Variants in SULT2B1 observed in about 807,000 individuals in gnomAD.
SULT2B1 encodes sulfotransferase 2B1.
Under a neutral mutation model 33.2 loss-of-function variants are expected in SULT2B1, and 16 were observed. The ratio of observed to expected loss-of-function variants is 0.48; its 90% CI spans 0.33 to 0.73. SULT2B1 has a LOEUF of 0.73. SULT2B1 is among the 30% of genes least tolerant of loss of function. SULT2B1 has a pLI of 0.02. For synonymous variants in SULT2B1, 186 were observed against 200.5 expected (o/e 0.93, Z 0.61); for missense variants, 500 against 506.0 (o/e 0.99, Z 0.11).
At chr19:48,593,381 A>C (rs1403009519) in intron 5 of SULT2B1, among the ~76,000 whole-genome samples, 2 of 151,792 alleles carry the variant, frequency 1.3e-5, no homozygotes, top group Non-Finnish European at 2.9e-5. Context: ...GTGAAACCCC[A>C]TCTCTACTAA....
At chr19:48,566,760 TG>T (rs1973247677) in intron 1 of SULT2B1, among the ~76,000 whole-genome samples, 1 of 151,806 alleles carries the variant, frequency 6.6e-6, no homozygotes, top group African/African-American at 2.4e-5. Flanking sequence ...GAGAATCACT[TG>T]AACCCGGGAG....
chr19:48,563,339 A>T (rs1372329852), intron 1 of SULT2B1, among the ~76,000 whole-genome samples: 1 of 152,166 alleles, frequency 6.6e-6, no homozygotes, highest in Non-Finnish European at 1.5e-5. Flanking sequence ...GCCGGTTCCC[A>T]CAAAGACAGG....
chr19:48,555,747 GTTTTTTT>G (rs368424505), intron 1 of SULT2B1, among the ~76,000 whole-genome samples: 1 of 149,622 alleles, frequency 6.7e-6, no homozygotes, highest in Non-Finnish European at 1.5e-5. Context: ...GCTAATTTTT[GTTTTTTT>G]TTGGAGATGG....
chr19:48,590,123 G>A (rs775022285), intron 3 of SULT2B1, among the ~76,000 whole-genome samples: 4 of 152,024 alleles, frequency 2.6e-5, no homozygotes, highest in Non-Finnish European at 5.9e-5. Flanking sequence ...AAATAGCTGG[G>A]ATTACAGGCG....
In SULT2B1 at chr19:48,581,875, TTTATTA is replaced by T. The variant is rs141497210; in HGVS notation, c.215-5343_215-5338del. On this transcript the variant is annotated intron_variant, in intron 2 of 6. Transcript: ENST00000201586. Reference sequence around the variant, plus strand: ...ATATCAGCGTCTTCTCAGAGTATGTTTTATTATTATTATTATATTATTATTATTATT... The same window carrying T: ...ATATCAGCGTCTTCTCAGAGTATGTTTTATTATTATATTATTATTATTATT... 9.3e-5 allele frequency among the ~76,000 whole-genome samples: 12 copies of T among 128,856 alleles called. No individual in the cohort carries two copies. The East Asian group carries it at 1.2e-3, about 13-fold the overall frequency. The allele number at this position is 128,856 out of a possible 152,430, so 84.5% of individuals were successfully genotyped here. A position where few individuals can be genotyped will look rare whatever the true frequency, so the allele number is the denominator to read the frequency against.
chr19:48,576,359 C>CTTTTCTTTCTTTTT lies in SULT2B1; in HGVS notation c.214+280_214+281insCTTTCTTTTTTTTT. Among the ~76,000 whole-genome samples, 31 of 96,708 alleles carry CTTTTCTTTCTTTTT rather than the reference C, an allele frequency of 3.2e-4. 2 individuals carry two copies. The highest frequency in any genetic ancestry group is 7.7e-4 in the African/African-American group (18 of 23,304). The allele number at this position is 96,708 out of a possible 152,430, so 63.4% of individuals were successfully genotyped here. A position where few individuals can be genotyped will look rare whatever the true frequency, so the allele number is the denominator to read the frequency against. On this transcript the variant is annotated intron_variant, in intron 2 of 6. Transcript: ENST00000201586. The stretch of plus-strand genomic sequence containing the variant: ...CCTTTCCCCTTTACCCTCTACTTCT[C>CTTTTCTTTCTTTTT]TTTTTTTTTTTTTTTTTTGTAGAGA...
intron 1 of SULT2B1, among the ~76,000 whole-genome samples, chr19:48,555,307 T>G (rs58046741): frequency 0.088 from 13,412 of 152,046 alleles, 1,849 homozygotes; most frequent in African/African-American, 0.3. Context: ...GGCCAGGCTG[T>G]TCTCGAACTC....
In SULT2B1 at chr19:48,563,916, T is replaced by C. The variant is rs550957516; in HGVS notation, c.71+11593T>C. On this transcript the variant is annotated intron_variant, in intron 1 of 6. Coordinates refer to ENST00000201586, the MANE Select transcript of SULT2B1 (RefSeq NM_177973.2). ...GGAGGCAAGGTTGCAGTGAGCCAAGTTGATGCCATTGAACTCCAGCCTGGG... is the reference window on the plus strand; with the variant it reads ...GGAGGCAAGGTTGCAGTGAGCCAAGCTGATGCCATTGAACTCCAGCCTGGG... Among the ~76,000 whole-genome samples, 16 of 147,440 alleles carry C rather than the reference T, an allele frequency of 1.1e-4. No homozygotes were observed. The East Asian group carries it at 3.3e-3, about 30-fold the overall frequency.
At chr19:48,579,774 T>G (rs1253198297) in intron 2 of SULT2B1, among the ~76,000 whole-genome samples, 1 of 150,402 alleles carries the variant, frequency 6.6e-6, no homozygotes, top group Non-Finnish European at 1.5e-5. Context: ...GCCCAGCTAA[T>G]TTTTGTATTT....
chr19:48,581,890 A>ATTATTATTATTATTAT (rs1387045137), intron 2 of SULT2B1, among the ~76,000 whole-genome samples: 10 of 137,736 alleles, frequency 7.3e-5, no homozygotes, highest in African/African-American at 2.7e-4. Context: ...TATTATTATT[A>ATTATTATTATTATTAT]TATTATTATT....
intron 2 of SULT2B1, among the ~76,000 whole-genome samples, chr19:48,578,636 G>A (rs1973444554): frequency 6.6e-6 from 1 of 152,036 alleles, no homozygotes; most frequent in Admixed American, 6.6e-5. Flanking sequence ...CAGCAGTTTG[G>A]GAGGCTGAGG....
chr19:48,561,752 C>T (rs11882923), intron 1 of SULT2B1, among the ~76,000 whole-genome samples: 14,240 of 152,116 alleles, frequency 0.094, 1,352 homozygotes, highest in African/African-American at 0.25. Context: ...TCGAACCTAA[C>T]GTGTGTTCCC....
At position 48,587,361 on chromosome 19, in the gene SULT2B1, A is replaced by C; in HGVS notation, c.347A>C (p.Gln116Pro). The C allele has an allele frequency of 6.2e-7, 1 of 1,614,038 alleles. No individual in the cohort carries two copies. Among genetic ancestry groups the C allele is most frequent in the Non-Finnish European group, 8.5e-7 (1 of 1,179,992 alleles). Residue 116 changes from glutamine (Q) to proline (P), a missense_variant, in exon 3 of 7, where the codon CAG (glutamine) becomes CCG (proline). Transcript: ENST00000201586. ...TIVGAFSLPD[Q>P]YSPRLMSSHL... ...GTGGGTGCCTTCAGCCTCCCGGACC[A>C]GTACAGCCCCCGCCTCATGAGCTCC...
intron 2 of SULT2B1, among the ~76,000 whole-genome samples, chr19:48,580,806 G>A (rs1236639053): frequency 6.6e-6 from 1 of 150,514 alleles, no homozygotes; most frequent in Non-Finnish European, 1.5e-5. Context: ...AGCGATAAGG[G>A]TCTCTGGTTG....
At chr19:48,581,682 C>A (rs1198818523) in intron 2 of SULT2B1, among the ~76,000 whole-genome samples, 2 of 150,954 alleles carry the variant, frequency 1.3e-5, no homozygotes, top group African/African-American at 2.4e-5. Flanking sequence ...TGGTCTCGAT[C>A]TCCTGACCTT....
intron 1 of SULT2B1, among the ~76,000 whole-genome samples, chr19:48,563,403 T>C (rs1973204486): frequency 6.6e-6 from 1 of 152,092 alleles, no homozygotes; most frequent in African/African-American, 2.4e-5. Flanking sequence ...CGCCGAGGTG[T>C]CCATTAACAG....
intron 1 of SULT2B1, among the ~76,000 whole-genome samples, chr19:48,553,952 C>A (rs1275276040): frequency 2.0e-5 from 3 of 151,298 alleles, no homozygotes; most frequent in Non-Finnish European, 4.4e-5. Flanking sequence ...ACCCCCACCC[C>A]AGCCAGGCAC....
At chr19:48,569,363 C>CATAA (rs1973289097) in intron 1 of SULT2B1, among the ~76,000 whole-genome samples, 1 of 33,278 alleles carries the variant, frequency 3.0e-5, no homozygotes, top group Non-Finnish European at 5.1e-5. Context: ...AAAAAAAAAA[C>CATAA]ATATATATAT....
chr19:48,577,193 CG>C (rs1242788239), intron 2 of SULT2B1, among the ~76,000 whole-genome samples: 2 of 150,282 alleles, frequency 1.3e-5, no homozygotes, highest in African/African-American at 4.9e-5. Context: ...CCACCATGCG[CG>C]GCTACTTCTT....
Sources: allele counts gnomAD v4.1 joint callset (sites outside exome capture counted in the v4.1 genomes callset), GRCh38; gene constraint gnomAD v4.1.1; transcripts MANE v1.5; gene names NCBI Gene and HGNC (gene_info 2026-07-23, HGNC 2026-07-21).